The following ZNF469 variants were observed in gnomAD, a reference collection of about 807,000 sequenced individuals.
ZNF469 encodes zinc finger protein 469.
ZNF469 carries 1 observed loss-of-function variant against 1.0 expected under a neutral mutation model. The observed-to-expected ratio is 1.00, with a 90% CI of 0.35 to 4.73. The LOEUF is 4.73. Ranked by LOEUF, ZNF469 falls within the 30% of genes most tolerant of loss-of-function variation. The pLI is 0.16. For missense variants in ZNF469, 6,100 were observed against 5,356.3 expected, an observed-to-expected ratio of 1.14 and a Z score of -4.33; for synonymous variants, 2,703 against 2,363.4, an observed-to-expected ratio of 1.14 and a Z score of -4.17.
chr16:88,128,135 G>A, the ZNF469 span, among the ~76,000 whole-genome samples: 1 of 152,124 alleles, frequency 6.6e-6, no homozygotes, highest in East Asian at 1.9e-4. Flanking sequence ...GCAGCTGTTG[G>A]GTGACCCAGA....
intron 1 of ZNF469, among the ~76,000 whole-genome samples, chr16:88,403,188 C>T (rs906560306): frequency 2.0e-5 from 3 of 152,206 alleles, no homozygotes; most frequent in Admixed American, 6.5e-5. Flanking sequence ...TGCTTCTGTC[C>T]GTCCGTTGCC....
Position 88,399,842 on chromosome 16 carries a change from C to T in ZNF469, c.-192+16588C>T, listed in dbSNP as rs1532629. 3.3e-3 allele frequency among the ~76,000 whole-genome samples: 505 copies of T among 152,332 alleles called. 2 individuals carry two copies. The highest frequency in any genetic ancestry group is 0.011 in the African/African-American group (477 of 41,584). On this transcript the variant is annotated intron_variant, in intron 1 of 2. Coordinates refer to ENST00000565624, the MANE Select transcript of ZNF469 (RefSeq NM_001367624.2). ...GAGGCGTGGAGCCTGGGACAGCAGC[C>T]AGGACGGCAGCCCCTCTGCCAGGTG...
In ZNF469 at chr16:88,440,484, C is replaced by A. The variant is rs1355988540; in HGVS notation, c.*1152C>A. 5.3e-5 allele frequency: 8 copies of A among 152,124 alleles called. No individual in the cohort carries two copies. 9.4% of individuals were successfully genotyped at this position (152,124 alleles called of 1,614,324 possible). ...AAAGGGTGAGAGGGCTTCCTTCTCACCCTTCTCTCCATAAGTATCTTGAAG... is the reference window on the plus strand; with the variant it reads ...AAAGGGTGAGAGGGCTTCCTTCTCAACCTTCTCTCCATAAGTATCTTGAAG... On this transcript the variant is annotated 3_prime_UTR_variant, in exon 3 of 3. Transcript: ENST00000565624.
the ZNF469 span, among the ~76,000 whole-genome samples, chr16:88,150,615 G>T: frequency 1.3e-5 from 2 of 152,176 alleles, no homozygotes; most frequent in Admixed American, 6.5e-5. Context: ...CCCTTCAGGC[G>T]ACTGGCTGCA....
rs554932733 is a variant in ZNF469, at chr16:88,399,805, A to C, written c.-192+16551A>C. ...CTTCTCACCCAACGCCCAATCTCGC[A>C]GGAGTGCACAGGAGGCGTGGAGCCT... On this transcript the variant is annotated intron_variant, in intron 1 of 2. Coordinates refer to ENST00000565624, the MANE Select transcript of ZNF469 (RefSeq NM_001367624.2). Among the ~76,000 whole-genome samples, 17 of 152,292 alleles carry C rather than the reference A, an allele frequency of 1.1e-4. No homozygotes were observed. In the East Asian group the frequency reaches 3.3e-3, roughly 29 times the overall value.
the ZNF469 span, among the ~76,000 whole-genome samples, chr16:88,306,197 C>G: frequency 6.6e-6 from 1 of 152,240 alleles, no homozygotes; most frequent in East Asian, 1.9e-4. Flanking sequence ...ATGTCAGGAG[C>G]CTACAGTGTG....
the ZNF469 span, among the ~76,000 whole-genome samples, chr16:88,124,677 C>G: frequency 2.0e-5 from 3 of 152,218 alleles, no homozygotes; most frequent in Non-Finnish European, 4.4e-5. Flanking sequence ...CTCTGCCTCC[C>G]GGGTTCAAGC....
rs1024996768 is a variant in ZNF469 at position 88,432,862 on chromosome 16, A to G, written c.5392A>G (p.Ser1798Gly). ...RGAPAPEAFG[S>G]PAVHLAPDLA... ...GGCCCCTGCTCCAGAAGCTTTTGGCAGCCCTGCTGTCCATCTGGCCCCTGA... is the reference window on the plus strand; with the variant it reads ...GGCCCCTGCTCCAGAAGCTTTTGGCGGCCCTGCTGTCCATCTGGCCCCTGA... The change falls in exon 3 of 3, where the codon AGC (serine) becomes GGC (glycine). Residue 1798 changes from serine to glycine, a missense_variant. Coordinates refer to ENST00000565624, the MANE Select transcript of ZNF469 (RefSeq NM_001367624.2). 14 of 1,550,108 alleles carry G rather than the reference A, an allele frequency of 9.0e-6. No homozygotes were observed. In the African/African-American group the frequency reaches 1.6e-4, roughly 18 times the overall value.
At chr16:88,235,228 G>T in the ZNF469 span, among the ~76,000 whole-genome samples, 1 of 152,186 alleles carries the variant, frequency 6.6e-6, no homozygotes, top group Non-Finnish European at 1.5e-5. Context: ...GTCTCTCCTT[G>T]GTCCCTGGCT....
At chr16:88,260,677 T>C in the ZNF469 span, among the ~76,000 whole-genome samples, 1 of 152,182 alleles carries the variant, frequency 6.6e-6, no homozygotes, top group Non-Finnish European at 1.5e-5. This position sits in a 1 kb window ranked among gnomAD's most constrained non-coding sequence, Gnocchi z 4.1. Context: ...TCATTTCTTT[T>C]CTCCATGATC....
chr16:88,248,226 C>G, the ZNF469 span, among the ~76,000 whole-genome samples: 1 of 152,148 alleles, frequency 6.6e-6, no homozygotes, highest in Admixed American at 6.5e-5. Context: ...AGCTTGCCTT[C>G]AACGTAGAAG....
At chr16:88,390,886 A>T (rs1245220803) in intron 1 of ZNF469, among the ~76,000 whole-genome samples, 1 of 152,232 alleles carries the variant, frequency 6.6e-6, no homozygotes, top group Non-Finnish European at 1.5e-5. Context: ...AGCATAGGCA[A>T]AGGCGCAGAG....
the ZNF469 span, among the ~76,000 whole-genome samples, chr16:88,324,803 G>A: frequency 6.6e-6 from 1 of 152,216 alleles, no homozygotes; most frequent in Non-Finnish European, 1.5e-5. Context: ...TATGCTGATG[G>A]GCAGAGGGGG....
chr16:88,289,978 G>A, the ZNF469 span, among the ~76,000 whole-genome samples: 7 of 152,332 alleles, frequency 4.6e-5, no homozygotes, highest in African/African-American at 1.7e-4. Context: ...GGCTGTGTCA[G>A]AGCACACAGG....
At chr16:88,302,037 C>T in the ZNF469 span, among the ~76,000 whole-genome samples, 5 of 152,206 alleles carry the variant, frequency 3.3e-5, no homozygotes, top group African/African-American at 9.7e-5. Context: ...CATGGCAGGG[C>T]TGAGCCTGGC....
the ZNF469 span, among the ~76,000 whole-genome samples, chr16:88,122,567 CT>C: frequency 6.6e-6 from 1 of 152,158 alleles, no homozygotes; most frequent in Non-Finnish European, 1.5e-5. Flanking sequence ...CACTCTGTCA[CT>C]CACTACGGCC....
the ZNF469 span, among the ~76,000 whole-genome samples, chr16:88,134,471 G>C: frequency 6.6e-6 from 1 of 152,198 alleles, no homozygotes; most frequent in Non-Finnish European, 1.5e-5. Flanking sequence ...CATTCCGTGT[G>C]GTTACTTTCT....
At chr16:88,196,095 G>T in the ZNF469 span, among the ~76,000 whole-genome samples, 2 of 152,240 alleles carry the variant, frequency 1.3e-5, no homozygotes, top group African/African-American at 4.8e-5. Context: ...ATTGGAGTCT[G>T]TGAGGCCAGC....
the ZNF469 span, among the ~76,000 whole-genome samples, chr16:88,224,258 C>T: frequency 7.2e-5 from 11 of 152,148 alleles, no homozygotes; most frequent in Non-Finnish European, 1.3e-4. Context: ...CCTGCGTGCC[C>T]GGGCCTGTCC....
Sources: gnomAD v4.1 joint callset for allele counts (sites outside exome capture counted in the v4.1 genomes callset) on GRCh38, gnomAD v4.1.1 for gene constraint, Gnocchi (gnomAD v3.1) non-coding constraint, MANE v1.5 for transcripts, NCBI Gene and HGNC (gene_info 2026-07-23, HGNC 2026-07-21) for gene names.